PLXNA4: variants seen among roughly 807,000 people sequenced by gnomAD.
PLXNA4 encodes the protein plexin-A4.
A neutral mutation model predicts 191.8 loss-of-function variants in PLXNA4; 44 were observed. The ratio of observed to expected loss-of-function variants is 0.23; its 90% confidence interval spans 0.18 to 0.29. The LOEUF is 0.29. Ranked by LOEUF, PLXNA4 falls within the 10% of genes least tolerant of loss-of-function variation. The pLI is 1.00. For synonymous variants in PLXNA4, 1,082 were observed against 1,009.5 expected (o/e 1.07, Z -1.36); for missense variants, 1,800 against 2,488.8 (o/e 0.72, Z 5.89).
intron 2 of PLXNA4, among the ~76,000 whole-genome samples, chr7:132,606,694 T>C (rs1298294958): frequency 1.3e-5 from 2 of 152,160 alleles, no homozygotes; most frequent in Non-Finnish European, 2.9e-5. Context: ...GAGTTAGCAA[T>C]GGGGCTGGGC....
chr7:132,563,989 C>T (rs1415949942), intron 1 of PLXNA4, among the ~76,000 whole-genome samples: 3 of 9,202 alleles, frequency 3.3e-4, no homozygotes, highest in Admixed American at 1.1e-3. Context: ...CCTTCTCCTC[C>T]TCCTCCTTCT....
intron 2 of PLXNA4, among the ~76,000 whole-genome samples, chr7:132,599,353 T>C (rs1802774537): frequency 6.6e-6 from 1 of 152,210 alleles, no homozygotes; most frequent in Non-Finnish European, 1.5e-5. Flanking sequence ...ATATTAAAAA[T>C]CTATATTTGA....
At chr7:132,424,451 T>C (rs1367291866) in intron 3 of PLXNA4, among the ~76,000 whole-genome samples, 3 of 152,192 alleles carry the variant, frequency 2.0e-5, no homozygotes, top group African/African-American at 4.8e-5. Flanking sequence ...ACCAGGCTGA[T>C]GTCGTCTTCA....
chr7:132,281,701 A>C (rs1800483570), intron 4 of PLXNA4, among the ~76,000 whole-genome samples: 1 of 152,114 alleles, frequency 6.6e-6, no homozygotes, highest in Non-Finnish European at 1.5e-5. Flanking sequence ...GGAAAGATTA[A>C]GTGTTTATTT....
chr7:132,326,761 T>C (rs1447487841), intron 3 of PLXNA4, among the ~76,000 whole-genome samples: 2 of 152,174 alleles, frequency 1.3e-5, no homozygotes. Context: ...CCTGAAGTTA[T>C]AGCTGTTTAT....
Position 132,185,347 on chromosome 7 carries a change from A to G in PLXNA4, c.3110T>C (p.Val1037Ala), listed in dbSNP as rs553022974. Residue 1037 changes from valine to alanine, a missense_variant, in exon 16 of 32, where the codon GTG becomes GCG. Physicochemically the swap from Val to Ala is moderately conservative, Grantham distance 64 (BLOSUM62 0). This residue lies in a region of PLXNA4 where 1,397 missense variants were observed against 1,880.4 expected (regional missense o/e 0.74). Coordinates refer to ENST00000321063, the MANE Select transcript of PLXNA4 (RefSeq NM_020911.2). ...AATCCGCACGATGGTGGGGTCTTCCACATACTGAAAGACCAGGTCCTGGTG... is the reference window on the plus strand; with the variant it reads ...AATCCGCACGATGGTGGGGTCTTCCGCATACTGAAAGACCAGGTCCTGGTG... ...KIHQDLVFQYVEDPTIVRIEP... is the reference protein window; with the variant it reads ...KIHQDLVFQYAEDPTIVRIEP... 13 of 1,614,066 alleles carry G rather than the reference A, an allele frequency of 8.1e-6. No individual in the cohort carries two copies. The Admixed American group carries it at 1.8e-4, about 23-fold the overall frequency.
intron 9 of PLXNA4, among the ~76,000 whole-genome samples, chr7:132,215,360 T>C (rs1421337391): frequency 6.6e-6 from 1 of 152,214 alleles, no homozygotes; most frequent in African/African-American, 2.4e-5. Context: ...TCTTTATTCA[T>C]AAAATGAAGG....
chr7:132,509,103 G>C lies in PLXNA4; in HGVS notation c.-86-324C>G, dbSNP rs575246630. ...TTTGTGTCAGACACTGTCCAGCACTGTCACCCGGGTCAGGTGCCACCAGCA... is the reference window on the plus strand; with the variant it reads ...TTTGTGTCAGACACTGTCCAGCACTCTCACCCGGGTCAGGTGCCACCAGCA... On this transcript the variant is annotated intron_variant, in intron 1 of 31. Coordinates refer to ENST00000321063, the MANE Select transcript of PLXNA4 (RefSeq NM_020911.2). 2.1e-5 allele frequency among the ~76,000 whole-genome samples: 3 copies of C among 145,790 alleles called. No homozygotes were observed. In the East Asian group the frequency reaches 6.6e-4, roughly 32 times the overall value.
At chr7:132,556,871 A>T (rs945698117) in intron 1 of PLXNA4, among the ~76,000 whole-genome samples, 3 of 152,202 alleles carry the variant, frequency 2.0e-5, no homozygotes, top group African/African-American at 7.2e-5. Flanking sequence ...GTAGAGTAAG[A>T]CTCAACCCAT....
rs79813201 is a variant in PLXNA4 at position 132,304,570 on chromosome 7, G to C, written c.1372-6348C>G. Reference sequence around the variant, plus strand: ...TAAACCTTTGCCACCTGAGGTGCATGTTAAACTTACAGCACAGCTCAGTTT... The same window carrying C: ...TAAACCTTTGCCACCTGAGGTGCATCTTAAACTTACAGCACAGCTCAGTTT... On this transcript the variant is annotated intron_variant, in intron 3 of 31. Transcript: ENST00000321063. 5.7e-3 allele frequency among the ~76,000 whole-genome samples: 865 copies of C among 152,278 alleles called. 7 individuals carry two copies. Among genetic ancestry groups the C allele is most frequent in the African/African-American group, 0.02 (838 of 41,560 alleles).
At chr7:132,158,322 G>A (rs944818069) in intron 25 of PLXNA4, among the ~76,000 whole-genome samples, 2 of 152,150 alleles carry the variant, frequency 1.3e-5, no homozygotes, top group East Asian at 1.9e-4. Flanking sequence ...ATAGATGCCC[G>A]TCTGTCTTGG....
chr7:132,302,461 CCA>C (rs1801344871), intron 3 of PLXNA4, among the ~76,000 whole-genome samples: 1 of 151,978 alleles, frequency 6.6e-6, no homozygotes. Flanking sequence ...TGTAAAACAA[CCA>C]CAGTCTCTAA....
chr7:132,198,405 T>C (rs189531537), intron 13 of PLXNA4, 80 bp downstream of exon 13: 4 of 1,523,114 alleles, frequency 2.6e-6, no homozygotes, highest in Non-Finnish European at 3.5e-6. Context: ...TGAGAGCACC[T>C]AGTTGCTGAC....
At chr7:132,403,743 T>G (rs1031690490) in intron 3 of PLXNA4, among the ~76,000 whole-genome samples, 4 of 151,466 alleles carry the variant, frequency 2.6e-5, no homozygotes, top group African/African-American at 9.7e-5. Context: ...CTTTGTGGGG[T>G]GGGAGGGAAG....
chr7:132,178,212 C>T (rs1008655586), intron 20 of PLXNA4, among the ~76,000 whole-genome samples: 3 of 152,166 alleles, frequency 2.0e-5, no homozygotes, highest in African/African-American at 4.8e-5. Flanking sequence ...TGCTGAAATG[C>T]GTCATGTTAA....
intron 25 of PLXNA4, among the ~76,000 whole-genome samples, chr7:132,151,199 A>G: frequency 6.6e-6 from 1 of 151,944 alleles, no homozygotes; most frequent in East Asian, 1.9e-4. Flanking sequence ...AGGAGAAAGA[A>G]GAAGAGAAGG....
chr7:132,517,340 G>T (rs968170981), intron 1 of PLXNA4, among the ~76,000 whole-genome samples: 1 of 152,166 alleles, frequency 6.6e-6, no homozygotes, highest in Admixed American at 6.5e-5. Flanking sequence ...AAATAAGTGT[G>T]TTTTCTCTAC....
Position 132,636,860 on chromosome 7 carries a change from G to A in PLXNA4, c.-87+9068C>T, listed in dbSNP as rs183279673. 1.4e-3 allele frequency among the ~76,000 whole-genome samples: 213 copies of A among 152,206 alleles called. 2 individuals carry two copies. The highest frequency in any genetic ancestry group is 5.0e-3 in the African/African-American group (207 of 41,544). On this transcript the variant is annotated intron_variant, in intron 2 of 4. Transcript: ENST00000378539. ...CAAACCCAAGCCAACCCTCGCCTTC[G>A]CTATTTGAATGAGGTTGCAGAGACC... is the stretch of plus-strand genomic sequence containing the variant.
intron 1 of PLXNA4, among the ~76,000 whole-genome samples, chr7:132,552,146 C>G (rs1376471023): frequency 6.6e-6 from 1 of 152,126 alleles, no homozygotes; most frequent in Non-Finnish European, 1.5e-5. Context: ...GACAGGAAAG[C>G]TCCCGGTGAG....
Sources: allele counts gnomAD v4.1 joint callset (sites outside exome capture counted in the v4.1 genomes callset), GRCh38; gene constraint gnomAD v4.1.1; regional missense constraint gnomAD v4.1.1; transcripts MANE v1.5; gene names NCBI Gene and HGNC (gene_info 2026-07-23, HGNC 2026-07-21).